F8: variants seen among roughly 807,000 people sequenced by gnomAD.
F8 encodes antihemophilic factor.
In F8, 12 loss-of-function variants were observed where a neutral mutation model predicts 140.6. The ratio of observed to expected loss-of-function variants is 0.09; its 90% confidence interval spans 0.05 to 0.14. The LOEUF (loss-of-function observed/expected upper bound fraction) is 0.14. Among genes scored for constraint, F8 ranks in the 10% least tolerant of loss-of-function variants. The pLI, the probability that F8 is intolerant of heterozygous loss-of-function variation, is 1.00. For missense variants in F8, 1,354 were observed against 1,720.7 expected, an observed-to-expected ratio of 0.79 and a Z score of 3.77; for synonymous variants, 585 against 614.6, an observed-to-expected ratio of 0.95 and a Z score of 0.71.
intron 1 of F8, among the ~76,000 whole-genome samples, chrX:155,019,207 C>A (rs2073748760): frequency 9.0e-6 from 1 of 111,726 alleles, no homozygotes; most frequent in African/African-American, 3.3e-5. Context: ...GAATAAACAC[C>A]ATTTACAAAA....
intron 25 of F8, among the ~76,000 whole-genome samples, chrX:154,855,364 C>T (rs1283801797): frequency 9.0e-6 from 1 of 111,405 alleles, no homozygotes; most frequent in Non-Finnish European, 1.9e-5. Context: ...TCTATGTATG[C>T]CCTGAAGGAG....
chrX:154,944,356 G>A (rs782803401), intron 13 of F8, among the ~76,000 whole-genome samples: 61 of 110,171 alleles, frequency 5.5e-4, no homozygotes, highest in Non-Finnish European at 8.9e-4. Context: ...AAAAGTGGGC[G>A]AAGGACATGA....
Position 154,972,707 on chromosome X carries a change from C to CTTTTTTTTT in F8, c.788-3164_788-3156dup, listed in dbSNP as rs1184930129. 2.1e-3 allele frequency among the ~76,000 whole-genome samples: 115 copies of CTTTTTTTTT among 55,276 alleles called. 6 individuals are homozygous for CTTTTTTTTT. Among genetic ancestry groups the CTTTTTTTTT allele is most frequent in the Middle Eastern group, 0.012 (1 of 86 alleles). The allele number at this position is 55,276 out of a possible 115,157, so 48.0% of individuals were successfully genotyped here. A position where few individuals can be genotyped will look rare whatever the true frequency, so the allele number is the denominator to read the frequency against. ...GTTCTTTTCTTTTCTTTCTGTCTTT[C>CTTTTTTTTT]TTTTTTTTTTTTTTTTTTTTTTTTT... On this transcript the variant is annotated intron_variant, in intron 6 of 25. Coordinates refer to ENST00000360256, the MANE Select transcript of F8 (RefSeq NM_000132.4).
intron 13 of F8, among the ~76,000 whole-genome samples, chrX:154,935,234 TA>T (rs1288277298): frequency 9.0e-6 from 1 of 111,366 alleles, no homozygotes; most frequent in African/African-American, 3.3e-5. Flanking sequence ...AAGGAGAAGA[TA>T]AAACTTGTAA....
chrX:154,851,118 C>T (rs2072612035), intron 25 of F8, among the ~76,000 whole-genome samples: 1 of 112,320 alleles, frequency 8.9e-6, no homozygotes, highest in African/African-American at 3.2e-5. Context: ...TATGGATTTG[C>T]TATTCTGGGT....
At chrX:154,888,887 TTTC>T (rs1240763176) in intron 22 of F8, among the ~76,000 whole-genome samples, 1 of 111,933 alleles carries the variant, frequency 8.9e-6, no homozygotes, top group African/African-American at 3.3e-5. Flanking sequence ...ACTACGCTGT[TTTC>T]TTATTTATTG....
chrX:154,935,308 A>G (rs1301512751), intron 13 of F8, among the ~76,000 whole-genome samples: 7 of 112,448 alleles, frequency 6.2e-5, no homozygotes, highest in Non-Finnish European at 1.1e-4. Context: ...CTAATGTAGA[A>G]TTAGCTATAA....
At position 154,837,381 on chromosome X, in the gene F8, C is replaced by T. The variant is rs1603430917; in HGVS notation, c.*216G>A. 4.7e-6 allele frequency: 2 copies of T among 426,646 alleles called. No homozygotes were observed. Among genetic ancestry groups the T allele is most frequent in the East Asian group, 7.7e-5 (2 of 26,066 alleles). The allele number at this position is 426,646 out of a possible 1,213,427, so 35.2% of individuals were successfully genotyped here. On this transcript the variant is annotated 3_prime_UTR_variant, in exon 26 of 26. Coordinates refer to ENST00000360256, the MANE Select transcript of F8 (RefSeq NM_000132.4). ...TTGGAAGGAAGGAGTAATCTGGGAG[C>T]AGCTGCAGAAAATAGGTAAGAGTTA...
At position 154,987,301 on chromosome X, in the gene F8, A is replaced by G; in HGVS notation, c.606T>C (p.Ser202=). 5.8e-6 allele frequency: 7 copies of G among 1,206,765 alleles called. No individual in the cohort carries two copies. The highest frequency in any genetic ancestry group is 7.9e-6 in the Non-Finnish European group (7 of 891,349). The change falls in exon 5 of 26, where the codon AGT becomes AGC. Residue 202 remains serine, a synonymous_variant. Coordinates refer to ENST00000360256, the MANE Select transcript of F8 (RefSeq NM_000132.4). ...IGALLVCREG[S]LAKEKTQTLH... is the part of the protein sequence containing the mutation. ...AGGTCTGTGTCTTTTCCTTGGCCAG[A>G]CTCCCTGAAAAAGAAGTGAGAACAT...
intron 25 of F8, among the ~76,000 whole-genome samples, chrX:154,853,434 T>C (rs1013776265): frequency 1.4e-4 from 16 of 112,101 alleles, no homozygotes; most frequent in Non-Finnish European, 3.0e-4. Flanking sequence ...CTTCAAGTTT[T>C]AAATCTGAAT....
intron 9 of F8, among the ~76,000 whole-genome samples, chrX:154,965,566 C>G (rs2073419120): frequency 9.0e-6 from 1 of 111,234 alleles, no homozygotes. Context: ...CCTTCTCCTC[C>G]CCTTCCTCCC....
Position 154,875,635 on chromosome X carries a change from A to G in F8, c.6430-12408T>C, listed in dbSNP as rs182247769. Among the ~76,000 whole-genome samples the G allele has an allele frequency of 4.8e-3, 533 of 111,466 alleles. 1 individual carries two copies. Among genetic ancestry groups the G allele is most frequent in the Non-Finnish European group, 6.0e-3 (318 of 53,057 alleles). On this transcript the variant is annotated intron_variant, in intron 22 of 25. Coordinates refer to ENST00000360256, the MANE Select transcript of F8 (RefSeq NM_000132.4). ...CCCTTAGCTGTTTCATAAGCAGTAA[A>G]GTTTGAAAACACTGGCAGAGGACAC...
intron 22 of F8, among the ~76,000 whole-genome samples, chrX:154,870,881 C>T (rs1273404208): frequency 2.7e-5 from 3 of 111,937 alleles, no homozygotes; most frequent in Non-Finnish European, 5.6e-5. Context: ...ACAAAAATCA[C>T]AAGCATTCCT....
chrX:155,013,152 A>T (rs2073717310), intron 1 of F8, among the ~76,000 whole-genome samples: 1 of 107,696 alleles, frequency 9.3e-6, no homozygotes, highest in Non-Finnish European at 1.9e-5. Flanking sequence ...TCTCAAAAAA[A>T]AAAAAAAAAA....
chrX:154,959,651 T>A (rs1557281475), intron 10 of F8, among the ~76,000 whole-genome samples: 6 of 111,499 alleles, frequency 5.4e-5, no homozygotes. Flanking sequence ...GAATTTTGCA[T>A]CCATTAACCA....
chrX:154,844,536 T>A (rs1301576255), intron 25 of F8, among the ~76,000 whole-genome samples: 1 of 110,526 alleles, frequency 9.0e-6, no homozygotes, highest in Non-Finnish European at 1.9e-5. Context: ...CCTAGGTATT[T>A]TATTCTCTTT....
At chrX:154,850,086 TGTG>T (rs1557272043) in intron 25 of F8, among the ~76,000 whole-genome samples, 1 of 84,813 alleles carries the variant, frequency 1.2e-5, no homozygotes, top group Non-Finnish European at 2.1e-5. Flanking sequence ...GCTTGTTTTG[TGTG>T]TGTGTGTGTG....
intron 14 of F8, chrX:154,919,950 C>T (rs2073120169): frequency 1.1e-5 from 2 of 187,001 alleles, no homozygotes; most frequent in South Asian, 2.2e-4. Context: ...GGTAGCTACT[C>T]CTAAACTCAT....
intron 1 of F8, among the ~76,000 whole-genome samples, chrX:155,010,860 C>T (rs1002858844): frequency 2.7e-5 from 3 of 111,416 alleles, no homozygotes; most frequent in East Asian, 2.8e-4. Context: ...GGCTGTAGAA[C>T]GAACTTGGAT....
Sources: allele counts gnomAD v4.1 joint callset (sites outside exome capture counted in the v4.1 genomes callset), GRCh38; gene constraint gnomAD v4.1.1; transcripts MANE v1.5; gene names NCBI Gene and HGNC (gene_info 2026-07-23, HGNC 2026-07-21).